Variants in PRKN observed in about 807,000 individuals in gnomAD.
PRKN encodes E3 ubiquitin-protein ligase parkin.
A neutral mutation model predicts 59.5 loss-of-function variants in PRKN; 56 were observed. That is an observed-to-expected ratio of 0.94 (90% CI 0.76 to 1.18). The LOEUF (loss-of-function observed/expected upper bound fraction) is 1.18, where lower values mean the gene tolerates loss of function less well. PRKN is among the 50% of genes most tolerant of loss of function. The probability of loss-of-function intolerance (pLI) is 0.00; values close to 1 mark genes in which losing one functional copy is unlikely to be tolerated. For synonymous variants in PRKN, 250 were observed against 222.1 expected, an observed-to-expected ratio of 1.13 and a Z score of -1.12; for missense variants, 657 against 596.4, an observed-to-expected ratio of 1.10 and a Z score of -1.06.
At chr6:162,170,041 A>G (rs1411344006) in intron 4 of PRKN, among the ~76,000 whole-genome samples, 3 of 152,188 alleles carry the variant, frequency 2.0e-5, no homozygotes, top group Non-Finnish European at 4.4e-5. Flanking sequence ...ATTCACCACT[A>G]TACATTTTCG....
intron 1 of PRKN, among the ~76,000 whole-genome samples, chr6:162,502,874 C>G (rs1237335135): frequency 2.0e-5 from 3 of 152,024 alleles, no homozygotes; most frequent in Non-Finnish European, 2.9e-5. Flanking sequence ...TCTCTGGATC[C>G]CCAACCCAGT....
chr6:162,441,707 T>C (rs557631639), intron 2 of PRKN, among the ~76,000 whole-genome samples: 2 of 152,274 alleles, frequency 1.3e-5, no homozygotes, highest in South Asian at 2.1e-4. Flanking sequence ...TTGGATCCCC[T>C]GAGAAGCCTA....
At chr6:162,279,420 G>A (rs1583307070) in intron 2 of PRKN, among the ~76,000 whole-genome samples, 2 of 144,954 alleles carry the variant, frequency 1.4e-5, no homozygotes, top group South Asian at 2.2e-4. Flanking sequence ...AAAGAAAGAA[G>A]GAAAGAAAGA....
At chr6:161,716,336 G>A (rs1786976653) in intron 7 of PRKN, among the ~76,000 whole-genome samples, 1 of 152,212 alleles carries the variant, frequency 6.6e-6, no homozygotes, top group African/African-American at 2.4e-5. Context: ...CCACTGGCAT[G>A]AAATATAGCT....
At chr6:162,286,986 C>T (rs1479540031) in intron 2 of PRKN, among the ~76,000 whole-genome samples, 1 of 152,214 alleles carries the variant, frequency 6.6e-6, no homozygotes, top group East Asian at 1.9e-4. Flanking sequence ...TTAATTAACA[C>T]ATCTAAATTT....
chr6:161,685,256 A>G (rs1227949761), intron 7 of PRKN, among the ~76,000 whole-genome samples: 1 of 152,084 alleles, frequency 6.6e-6, no homozygotes, highest in Non-Finnish European at 1.5e-5. Context: ...GATTGTGCAA[A>G]TTCTCATCGG....
intron 2 of PRKN, among the ~76,000 whole-genome samples, chr6:162,423,908 G>T (rs1789099009): frequency 6.6e-6 from 1 of 152,108 alleles, no homozygotes; most frequent in Non-Finnish European, 1.5e-5. Context: ...TAAAAGTGAT[G>T]AATTGAACTG....
In PRKN at chr6:161,926,999, A is replaced by G. The variant is rs141888026; in HGVS notation, c.734+46303T>C. ...AAACAAGGCTCAGATAAATGAGAAC[A>G]TTTAATTCTAAAGGATACCTGTTCT... On this transcript the variant is annotated intron_variant, in intron 6 of 11. Coordinates refer to ENST00000366898, the MANE Select transcript of PRKN (RefSeq NM_004562.3). 6.6e-4 allele frequency among the ~76,000 whole-genome samples: 100 copies of G among 152,316 alleles called. 2 individuals are homozygous for G. In the East Asian group the frequency reaches 0.018, roughly 28 times the overall value.
chr6:162,170,240 A>G lies in PRKN; in HGVS notation c.534+30891T>C, dbSNP rs80246943. Reference sequence around the variant, plus strand: ...TATTTATTTATATCTGCTCTGGGAAAGAAGATTGTGGAAAATGTGAGAGCA... The same window carrying G: ...TATTTATTTATATCTGCTCTGGGAAGGAAGATTGTGGAAAATGTGAGAGCA... On this transcript the variant is annotated intron_variant, in intron 4 of 11. Transcript: ENST00000366898. Among the ~76,000 whole-genome samples the G allele has an allele frequency of 7.4e-3, 1,120 of 152,312 alleles. 15 individuals are homozygous for G. Among genetic ancestry groups the G allele is most frequent in the African/African-American group, 0.026 (1,066 of 41,560 alleles).
At chr6:162,685,572 C>T (rs1179035002) in intron 1 of PRKN, among the ~76,000 whole-genome samples, 4 of 152,008 alleles carry the variant, frequency 2.6e-5, no homozygotes, top group African/African-American at 9.7e-5. Context: ...AAATCAATTC[C>T]CTTTTCCTCT....
intron 1 of PRKN, among the ~76,000 whole-genome samples, chr6:162,683,782 C>T (rs897071412): frequency 3.9e-5 from 6 of 151,916 alleles, no homozygotes; most frequent in Non-Finnish European, 1.5e-5. Flanking sequence ...AACAAAAAGA[C>T]AACTTTGGAA....
At chr6:161,706,225 T>G (rs1786486626) in intron 7 of PRKN, among the ~76,000 whole-genome samples, 1 of 152,188 alleles carries the variant, frequency 6.6e-6, no homozygotes. Context: ...GGATATCATC[T>G]GAAGAAGCCC....
chr6:162,271,992 A>G (rs945911120), intron 2 of PRKN, among the ~76,000 whole-genome samples: 1 of 152,208 alleles, frequency 6.6e-6, no homozygotes, highest in South Asian at 2.1e-4. Context: ...AAGGTCAATT[A>G]GCCCCACACT....
chr6:161,467,537 G>A lies in PRKN; in HGVS notation c.1084-80660C>T, dbSNP rs560371162. ...AATTTTAATACAATGCTTTACTGTT[G>A]TATAACAGAGAAACATGCAGATTGC... is the stretch of plus-strand genomic sequence containing the variant. On this transcript the variant is annotated intron_variant, in intron 9 of 11. Transcript: ENST00000366898. This position sits in a 1 kb window ranked among gnomAD's most constrained non-coding sequence, Gnocchi z 4.3. Among the ~76,000 whole-genome samples the A allele has an allele frequency of 7.9e-5, 12 of 152,262 alleles. No homozygotes were observed. Among genetic ancestry groups the A allele is most frequent in the Admixed American group, 7.8e-4 (12 of 15,290 alleles).
At chr6:162,538,226 C>A (rs7349917) in intron 1 of PRKN, among the ~76,000 whole-genome samples, 1 of 152,148 alleles carries the variant, frequency 6.6e-6, no homozygotes, top group Non-Finnish European at 1.5e-5. Context: ...TGGTGAAAAC[C>A]TGCTCTACCA....
rs965759023 is a variant in PRKN at position 161,402,026 on chromosome 6, G to C, written c.1084-15149C>G. 6.6e-6 allele frequency among the ~76,000 whole-genome samples: 1 copy of C among 152,052 alleles called. No individual in the cohort carries two copies. Among genetic ancestry groups the C allele is most frequent in the Non-Finnish European group, 1.5e-5 (1 of 68,010 alleles). ...AGAGCATTTCCCACATTATCCTCTC[G>C]ATATGCATCTCTGCCATGACTATCA... On this transcript the variant is annotated intron_variant, in intron 9 of 11. Coordinates refer to ENST00000366898, the MANE Select transcript of PRKN (RefSeq NM_004562.3). The surrounding 1 kb of genome is among the most constrained non-coding windows in gnomAD (Gnocchi z 4.5).
At position 161,402,483 on chromosome 6, in the gene PRKN, T is replaced by G. The variant is rs192022185; in HGVS notation, c.1084-15606A>C. 2.0e-5 allele frequency among the ~76,000 whole-genome samples: 3 copies of G among 152,226 alleles called. No individual in the cohort carries two copies. The highest frequency in any genetic ancestry group is 7.2e-5 in the African/African-American group (3 of 41,518). On this transcript the variant is annotated intron_variant, in intron 9 of 11. Transcript: ENST00000366898. The surrounding 1 kb of genome is among the most constrained non-coding windows in gnomAD (Gnocchi z 4.5). ...ACATTGCTGCCTCTCTACTAATAAA[T>G]AGCTTTTTGGTCCCATAACATGAGA...
At chr6:161,858,630 G>A (rs748902300) in intron 6 of PRKN, among the ~76,000 whole-genome samples, 17 of 150,940 alleles carry the variant, frequency 1.1e-4, no homozygotes, top group Non-Finnish European at 1.6e-4. Context: ...GGAACTTTCT[G>A]TTCCAGAGTG....
intron 7 of PRKN, among the ~76,000 whole-genome samples, chr6:161,744,608 G>A (rs1562649873): frequency 6.6e-6 from 1 of 152,216 alleles, no homozygotes; most frequent in Non-Finnish European, 1.5e-5. Context: ...TGACTAGGAG[G>A]TGGATTAACA....
Sources: allele counts gnomAD v4.1 joint callset (sites outside exome capture counted in the v4.1 genomes callset), GRCh38; gene constraint gnomAD v4.1.1; non-coding constraint Gnocchi (gnomAD v3.1); transcripts MANE v1.5; gene names NCBI Gene and HGNC (gene_info 2026-07-23, HGNC 2026-07-21).